B3GALT1: variants seen among roughly 807,000 people sequenced by gnomAD.
The protein encoded by B3GALT1 is beta-1,3-galactosyltransferase 1.
A neutral mutation model predicts 23.2 loss-of-function variants in B3GALT1; 10 were observed. That is an observed-to-expected ratio of 0.43 (90% confidence interval 0.27 to 0.73). The LOEUF is 0.73. B3GALT1 is among the 30% of genes least tolerant of loss of function. B3GALT1 has a pLI of 0.21. For synonymous variants in B3GALT1, 156 were observed against 141.5 expected (o/e 1.10, Z -0.73); for missense variants, 299 against 405.4 (o/e 0.74, Z 2.25).
At chr2:167,438,807 C>G (rs1435155170) in intron 1 of B3GALT1, among the ~76,000 whole-genome samples, 1 of 152,184 alleles carries the variant, frequency 6.6e-6, no homozygotes, top group Non-Finnish European at 1.5e-5. Flanking sequence ...TTTTCCCCAC[C>G]ACATTTCAAA....
intron 1 of B3GALT1, among the ~76,000 whole-genome samples, chr2:167,316,056 C>T (rs1457430864): frequency 1.3e-5 from 2 of 151,174 alleles, no homozygotes; most frequent in East Asian, 3.9e-4. Context: ...AATAAAAAAT[C>T]CTGTTGAATT....
At chr2:167,681,371 G>A (rs1686528341) in intron 3 of B3GALT1, among the ~76,000 whole-genome samples, 1 of 152,046 alleles carries the variant, frequency 6.6e-6, no homozygotes, top group African/African-American at 2.4e-5. Context: ...TTCAACCCCA[G>A]TGAATCTTAT....
intron 1 of B3GALT1, among the ~76,000 whole-genome samples, chr2:167,366,371 A>G (rs1697584272): frequency 6.6e-6 from 1 of 152,190 alleles, no homozygotes; most frequent in South Asian, 2.1e-4. Context: ...GATATATAGA[A>G]TAGTTTTGAA....
At chr2:167,566,114 A>G (rs1385097803) in intron 2 of B3GALT1, among the ~76,000 whole-genome samples, 2 of 152,194 alleles carry the variant, frequency 1.3e-5, no homozygotes, top group African/African-American at 2.4e-5. Flanking sequence ...ATGTTCAACA[A>G]TGATAGACTG....
chr2:167,319,128 A>G (rs1696763763), intron 1 of B3GALT1, among the ~76,000 whole-genome samples: 2 of 152,098 alleles, frequency 1.3e-5, no homozygotes, highest in Non-Finnish European at 1.5e-5. Context: ...GGGAATGGTA[A>G]TGGCCAGGGC....
chr2:167,445,334 A>G (rs750213158), intron 1 of B3GALT1, among the ~76,000 whole-genome samples: 23 of 152,196 alleles, frequency 1.5e-4, no homozygotes, highest in Non-Finnish European at 1.6e-4. Context: ...AGAGGTATGT[A>G]TATTCTGTTG....
intron 2 of B3GALT1, among the ~76,000 whole-genome samples, chr2:167,634,226 A>C (rs1057125402): frequency 1.3e-5 from 2 of 152,148 alleles, no homozygotes; most frequent in Admixed American, 1.3e-4. Flanking sequence ...TTATATCACT[A>C]AATGCCCACA....
chr2:167,806,096 A>G (rs1349335660), intron 3 of B3GALT1, among the ~76,000 whole-genome samples: 1 of 152,148 alleles, frequency 6.6e-6, no homozygotes, highest in Non-Finnish European at 1.5e-5. Flanking sequence ...AGCAATTGTG[A>G]ATGAAAGTTC....
intron 1 of B3GALT1, among the ~76,000 whole-genome samples, chr2:167,338,324 T>A (rs1297907998): frequency 6.6e-6 from 1 of 152,146 alleles, no homozygotes; most frequent in Non-Finnish European, 1.5e-5. Context: ...TGCAAATGTA[T>A]TAACATACAA....
chr2:167,785,165 T>C (rs62195005), intron 3 of B3GALT1, among the ~76,000 whole-genome samples: 158 of 152,232 alleles, frequency 1.0e-3, no homozygotes, highest in Non-Finnish European at 1.8e-3. Context: ...TGAATCAAGA[T>C]ATAAATCAAG....
rs1477808606 is a variant in B3GALT1, at chr2:167,871,149, T to C, written c.*1129T>C. ...TTGAGGAAGGATGGGGAAGGCCAGG[T>C]TCGGGTCCCGTTGATGCCACCATAC... On this transcript the variant is annotated 3_prime_UTR_variant, in exon 5 of 5. Coordinates refer to ENST00000392690, the MANE Select transcript of B3GALT1 (RefSeq NM_020981.4). 6.6e-6 allele frequency: 1 copy of C among 152,166 alleles called. No individual in the cohort carries two copies. Among genetic ancestry groups the C allele is most frequent in the Non-Finnish European group, 1.5e-5 (1 of 68,044 alleles). The allele number at this position is 152,166 out of a possible 1,614,324, so 9.4% of individuals were successfully genotyped here.
At chr2:167,525,104 T>A (rs1683198671) in intron 2 of B3GALT1, among the ~76,000 whole-genome samples, 1 of 151,740 alleles carries the variant, frequency 6.6e-6, no homozygotes, top group Non-Finnish European at 1.5e-5. Flanking sequence ...ATATTTTCAG[T>A]TAACACATGT....
chr2:167,404,916 G>A (rs1354826716), intron 1 of B3GALT1, among the ~76,000 whole-genome samples: 1 of 152,148 alleles, frequency 6.6e-6, no homozygotes, highest in Non-Finnish European at 1.5e-5. Context: ...TTCAAACCAT[G>A]TGTGTTACAT....
At chr2:167,747,385 T>TA (rs1293352826) in intron 3 of B3GALT1, among the ~76,000 whole-genome samples, 2 of 152,186 alleles carry the variant, frequency 1.3e-5, no homozygotes, top group Admixed American at 1.3e-4. Flanking sequence ...ATTAACATCA[T>TA]ACAACTAATT....
chr2:167,454,641 T>C (rs543817653), intron 1 of B3GALT1, among the ~76,000 whole-genome samples: 9 of 152,266 alleles, frequency 5.9e-5, no homozygotes, highest in African/African-American at 2.2e-4. Context: ...AAACTGAGTA[T>C]GCTAAGAGAG....
Position 167,615,081 on chromosome 2 carries a change from T to G in B3GALT1, c.-409-31828T>G, listed in dbSNP as rs186744178. Among the ~76,000 whole-genome samples, 504 of 152,182 alleles carry G rather than the reference T, an allele frequency of 3.3e-3. 1 individual carries two copies. Among genetic ancestry groups the G allele is most frequent in the Non-Finnish European group, 5.4e-3 (365 of 67,970 alleles). The stretch of plus-strand genomic sequence containing the variant: ...AGTAACAAATGAAAATAATCTTGGA[T>G]TAACCACATGAAAATATAAAACTTT... On this transcript the variant is annotated intron_variant, in intron 2 of 4. Transcript: ENST00000392690.
chr2:167,625,908 C>A (rs1685332455), intron 2 of B3GALT1, among the ~76,000 whole-genome samples: 1 of 134,522 alleles, frequency 7.4e-6, no homozygotes, highest in African/African-American at 2.9e-5. Flanking sequence ...AAATTAGAAA[C>A]CATCCTAGAT....
intron 4 of B3GALT1, among the ~76,000 whole-genome samples, chr2:167,844,767 G>A (rs1441111336): frequency 2.0e-5 from 3 of 152,170 alleles, no homozygotes; most frequent in Admixed American, 1.3e-4. Context: ...AGGGGAGGGC[G>A]CAAATCCAGT....
chr2:167,418,252 T>C (rs1220168389), intron 1 of B3GALT1, among the ~76,000 whole-genome samples: 1 of 152,182 alleles, frequency 6.6e-6, no homozygotes, highest in Non-Finnish European at 1.5e-5. Context: ...TCCAGAAATT[T>C]GTGAATTAAC....
Sources: allele counts gnomAD v4.1 joint callset (sites outside exome capture counted in the v4.1 genomes callset), GRCh38; gene constraint gnomAD v4.1.1; transcripts MANE v1.5; gene names NCBI Gene and HGNC (gene_info 2026-07-23, HGNC 2026-07-21).